RABGAP1L: variants seen among roughly 807,000 people sequenced by gnomAD.
RABGAP1L encodes the protein RAB GTPase activating protein 1 like.
In RABGAP1L, 63 loss-of-function variants were observed where a neutral mutation model predicts 137.7. That is an observed-to-expected ratio of 0.46 (90% confidence interval 0.37 to 0.56). The LOEUF (loss-of-function observed/expected upper bound fraction) is 0.56. Among genes scored for constraint, RABGAP1L ranks in the 20% least tolerant of loss-of-function variants. The pLI, the probability that RABGAP1L is intolerant of heterozygous loss-of-function variation, is 0.00. For missense variants in RABGAP1L, 1,095 were observed against 1,244.0 expected (o/e 0.88, Z 1.80); for synonymous variants, 431 against 433.7 (o/e 0.99, Z 0.08).
intron 15 of RABGAP1L, among the ~76,000 whole-genome samples, chr1:174,691,840 A>T (rs1238125630): frequency 2.0e-5 from 3 of 152,110 alleles, no homozygotes; most frequent in African/African-American, 4.8e-5. Flanking sequence ...TTTTTTAAGT[A>T]GGTAGGTACC....
At chr1:174,959,500 A>G (rs1000390682) in intron 20 of RABGAP1L, among the ~76,000 whole-genome samples, 2 of 152,208 alleles carry the variant, frequency 1.3e-5, no homozygotes, top group Non-Finnish European at 2.9e-5. Context: ...TAAGATGTAC[A>G]TTATTTTTAA....
At chr1:174,597,448 A>T (rs1014616839) in intron 13 of RABGAP1L, among the ~76,000 whole-genome samples, 1 of 151,916 alleles carries the variant, frequency 6.6e-6, no homozygotes. Context: ...TTGGTAGGTT[A>T]TATGTGTCTA....
chr1:174,628,021 T>C (rs1197374492), intron 13 of RABGAP1L, among the ~76,000 whole-genome samples: 1 of 152,198 alleles, frequency 6.6e-6, no homozygotes, highest in African/African-American at 2.4e-5. Flanking sequence ...TGGTGACTGC[T>C]CTGGCAAATT....
At chr1:174,264,190 CT>C (rs1042980287) in intron 7 of RABGAP1L, among the ~76,000 whole-genome samples, 2 of 151,564 alleles carry the variant, frequency 1.3e-5, no homozygotes, top group Non-Finnish European at 2.9e-5. Flanking sequence ...AATAAATTTA[CT>C]CATTCTTTTT....
At chr1:174,928,497 T>C (rs1280354235) in intron 19 of RABGAP1L, among the ~76,000 whole-genome samples, 3 of 151,836 alleles carry the variant, frequency 2.0e-5, no homozygotes, top group African/African-American at 7.3e-5. Flanking sequence ...AGACAGGCAA[T>C]GATTGAGATA....
chr1:174,621,888 A>G (rs980858411), intron 13 of RABGAP1L, among the ~76,000 whole-genome samples: 3 of 152,230 alleles, frequency 2.0e-5, no homozygotes, highest in Non-Finnish European at 4.4e-5. Flanking sequence ...CTGCACAGCA[A>G]AAGAAACTAC....
chr1:174,646,603 C>T lies in RABGAP1L; in HGVS notation c.1824+9115C>T, dbSNP rs756579708. Among the ~76,000 whole-genome samples the T allele has an allele frequency of 1.1e-4, 17 of 152,118 alleles. No homozygotes were observed. In the South Asian group the frequency reaches 1.2e-3, roughly 11 times the overall value. ...TTTGATACCAGTACCATGCTGTTTTCGTTACTGTAGCCTTGTATTATAGTT... is the reference window on the plus strand; with the variant it reads ...TTTGATACCAGTACCATGCTGTTTTTGTTACTGTAGCCTTGTATTATAGTT... On this transcript the variant is annotated intron_variant, in intron 14 of 25. Transcript: ENST00000681986.
chr1:174,275,686 G>T, intron 8 of RABGAP1L, 147 bp from the exon 9 acceptor site: 1 of 476,818 alleles, frequency 2.1e-6, no homozygotes, highest in Non-Finnish European at 3.7e-6. Context: ...GCTTTTGTAG[G>T]ATGAAAAGAA....
intron 11 of RABGAP1L, among the ~76,000 whole-genome samples, chr1:174,324,744 A>G (rs1429382903): frequency 6.6e-6 from 1 of 152,182 alleles, no homozygotes; most frequent in Non-Finnish European, 1.5e-5. Context: ...TGATGACAAT[A>G]TGAGAGCCAA....
At chr1:174,783,034 A>G (rs1055958970) in intron 18 of RABGAP1L, among the ~76,000 whole-genome samples, 1 of 152,122 alleles carries the variant, frequency 6.6e-6, no homozygotes, top group Admixed American at 6.5e-5. Context: ...CTTTTGGTCC[A>G]TGTTTGTTCT....
chr1:174,746,846 T>G (rs1478174088), intron 17 of RABGAP1L, among the ~76,000 whole-genome samples: 1 of 152,218 alleles, frequency 6.6e-6, no homozygotes, highest in East Asian at 1.9e-4. Flanking sequence ...GGGACATGCC[T>G]TTAATGTAAT....
chr1:174,365,821 T>A (rs903633475), intron 11 of RABGAP1L, among the ~76,000 whole-genome samples: 2 of 152,220 alleles, frequency 1.3e-5, no homozygotes, highest in Non-Finnish European at 1.5e-5. Context: ...ACCTGATGTT[T>A]GGTTCTTATG....
chr1:174,367,390 T>A (rs2148987074), intron 11 of RABGAP1L: 1 of 187,684 alleles, frequency 5.3e-6, no homozygotes. Context: ...TTGTGATAGA[T>A]GTCTGGCATT....
At chr1:174,626,574 G>A (rs61826924) in intron 13 of RABGAP1L, among the ~76,000 whole-genome samples, 13,588 of 152,090 alleles carry the variant, frequency 0.089, 823 homozygotes, top group East Asian at 0.22. Context: ...GGCAGCATTT[G>A]TGTGCAGTGA....
chr1:174,587,072 A>G (rs1390492268), intron 13 of RABGAP1L, among the ~76,000 whole-genome samples: 2 of 151,548 alleles, frequency 1.3e-5, no homozygotes, highest in African/African-American at 2.4e-5. Context: ...TACAAAGGAC[A>G]TGAACTCATC....
rs779312748 is a variant in RABGAP1L at position 174,662,032 on chromosome 1, C to G, written c.1825-21490C>G. The stretch of plus-strand genomic sequence containing the variant: ...ATTATTTTAGGATGTATTTCTTCTA[C>G]TTATAAAATAACCATAAAACAGCCT... On this transcript the variant is annotated intron_variant, in intron 14 of 25. Coordinates refer to ENST00000681986, the MANE Select transcript of RABGAP1L (RefSeq NM_001366446.1). Among the ~76,000 whole-genome samples the G allele has an allele frequency of 5.0e-4, 76 of 150,554 alleles. No individual in the cohort carries two copies. In the Middle Eastern group the frequency reaches 0.017, roughly 35 times the overall value.
intron 13 of RABGAP1L, among the ~76,000 whole-genome samples, chr1:174,434,108 T>TACATACAC (rs1553301864): frequency 4.5e-5 from 6 of 134,048 alleles, no homozygotes; most frequent in African/African-American, 1.6e-4. Flanking sequence ...CGTGTACACA[T>TACATACAC]ACACACACAC....
At position 174,954,724 on chromosome 1, in the gene RABGAP1L, C is replaced by T. The variant is rs570714347; in HGVS notation, c.2341-2733C>T. On this transcript the variant is annotated intron_variant, in intron 19 of 25. Transcript: ENST00000681986. ...TGCTGTAAAAATACTGAAATACTTC[C>T]GATCTGGTGGGAAAATGGCTCCTGG... Among the ~76,000 whole-genome samples the T allele has an allele frequency of 1.3e-4, 20 of 152,198 alleles. No individual in the cohort carries two copies. The East Asian group carries it at 2.3e-3, about 18-fold the overall frequency.
At chr1:174,848,792 C>G (rs1647574180) in intron 19 of RABGAP1L, among the ~76,000 whole-genome samples, 1 of 151,062 alleles carries the variant, frequency 6.6e-6, no homozygotes, top group Admixed American at 6.6e-5. Context: ...TTTACCTAAG[C>G]AAGCCTGGGC....
Sources: gnomAD v4.1 joint callset for allele counts (sites outside exome capture counted in the v4.1 genomes callset) on GRCh38, gnomAD v4.1.1 for gene constraint, MANE v1.5 for transcripts, NCBI Gene and HGNC (gene_info 2026-07-23, HGNC 2026-07-21) for gene names.